LDLRAD4: variants seen among roughly 807,000 people sequenced by gnomAD.
LDLRAD4 encodes the protein low density lipoprotein receptor class A domain containing 4, also known as low-density lipoprotein receptor class A domain-containing protein 4.
LDLRAD4 carries 5 observed loss-of-function variants against 17.0 expected under a neutral mutation model. The observed-to-expected ratio is 0.29, with a 90% CI of 0.15 to 0.62. LDLRAD4 has a LOEUF of 0.62. LDLRAD4 is among the 20% of genes least tolerant of loss of function. The pLI, the probability that LDLRAD4 is intolerant of heterozygous loss-of-function variation, is 0.84. For synonymous variants in LDLRAD4, 168 were observed against 171.8 expected, an observed-to-expected ratio of 0.98 and a Z score of 0.17; for missense variants, 340 against 424.7, an observed-to-expected ratio of 0.80 and a Z score of 1.75.
intron 3 of LDLRAD4, among the ~76,000 whole-genome samples, chr18:13,579,494 G>A (rs753379536): frequency 1.3e-5 from 2 of 152,194 alleles, no homozygotes; most frequent in Non-Finnish European, 1.5e-5. Flanking sequence ...TTTCTTCATG[G>A]ATGACCAGTA....
Position 13,621,310 on chromosome 18 carries a change from C to CT in LDLRAD4, c.336+40dup. 1 of 1,526,014 alleles carries CT rather than the reference C, an allele frequency of 6.6e-7. No homozygotes were observed. Among genetic ancestry groups the CT allele is most frequent in the Non-Finnish European group, 9.0e-7 (1 of 1,107,774 alleles). 94.5% of individuals were successfully genotyped at this position (1,526,014 alleles called of 1,614,324 possible). A position where few individuals can be genotyped will look rare whatever the true frequency, so the allele number is the denominator to read the frequency against. On this transcript the variant is annotated intron_variant, in intron 4 of 5. Coordinates refer to ENST00000359446, the Ensembl canonical transcript of LDLRAD4. This position sits in a 1 kb window ranked among gnomAD's most constrained non-coding sequence, Gnocchi z 5.5. The stretch of plus-strand genomic sequence containing the variant: ...CCGCCCCGGCTCCAGAGTCAGGCAG[C>CT]TGCAAGAGGCTTAGGAGCCCATCAG...
intron 3 of LDLRAD4, among the ~76,000 whole-genome samples, chr18:13,455,471 G>A (rs997063070): frequency 2.6e-5 from 4 of 152,182 alleles, no homozygotes; most frequent in African/African-American, 9.7e-5. Flanking sequence ...GGTAGCCATG[G>A]TGAGAAGAGG....
At chr18:13,384,504 A>G (rs746308461) in intron 1 of LDLRAD4, among the ~76,000 whole-genome samples, 36 of 152,226 alleles carry the variant, frequency 2.4e-4, no homozygotes, top group Non-Finnish European at 4.6e-4. Context: ...GCAGTACGTC[A>G]CTAAAACGTA....
At chr18:13,307,427 A>AT (rs202111631) in intron 1 of LDLRAD4, among the ~76,000 whole-genome samples, 183 of 152,100 alleles carry the variant, frequency 1.2e-3, no homozygotes, top group African/African-American at 3.8e-3. Flanking sequence ...TTAAAAAAAA[A>AT]TTTTTTAAGA....
chr18:13,368,562 A>C lies in LDLRAD4; in HGVS notation c.-382-18779A>C, dbSNP rs146399031. On this transcript the variant is annotated intron_variant, in intron 1 of 5. Coordinates refer to ENST00000359446, the Ensembl canonical transcript of LDLRAD4. The stretch of plus-strand genomic sequence containing the variant: ...TCTGATTTTATCCATCCATTACTCT[A>C]CCTGTCCATCTCCCCTGGGGGTGAG... Among the ~76,000 whole-genome samples the C allele has an allele frequency of 4.7e-4, 72 of 152,090 alleles. 2 individuals are homozygous for C. The East Asian group carries it at 0.012, about 26-fold the overall frequency.
Position 13,284,628 on chromosome 18 carries a change from G to A in LDLRAD4, c.-383+6440G>A, listed in dbSNP as rs548289166. Among the ~76,000 whole-genome samples, 8 of 152,268 alleles carry A rather than the reference G, an allele frequency of 5.3e-5. No individual in the cohort carries two copies. The South Asian group carries it at 1.7e-3, about 32-fold the overall frequency. On this transcript the variant is annotated intron_variant, in intron 1 of 5. Transcript: ENST00000359446. Reference sequence around the variant, plus strand: ...GGTGCGGGAGGTTAGAAATAGCATTGCTTTTTATGGGATTCTCAGCAGCAG... The same window carrying A: ...GGTGCGGGAGGTTAGAAATAGCATTACTTTTTATGGGATTCTCAGCAGCAG...
intron 1 of LDLRAD4, among the ~76,000 whole-genome samples, chr18:13,310,511 C>A (rs1486134747): frequency 6.6e-6 from 1 of 152,174 alleles, no homozygotes; most frequent in East Asian, 1.9e-4. Flanking sequence ...TCAGAGAGGC[C>A]AGCAGCATGG....
intron 3 of LDLRAD4, among the ~76,000 whole-genome samples, chr18:13,439,020 A>G (rs1394408530): frequency 1.3e-5 from 2 of 152,200 alleles, no homozygotes; most frequent in Admixed American, 6.5e-5. Context: ...AAAGTGGCTT[A>G]CTGTTTTCTG....
intron 4 of LDLRAD4, among the ~76,000 whole-genome samples, chr18:13,640,312 G>GAAAAAAA (rs1555780823): frequency 2.6e-5 from 2 of 77,462 alleles, no homozygotes. Context: ...AAAAAAAAAT[G>GAAAAAAA]AAATCCGTTC....
chr18:13,473,675 AT>A lies in LDLRAD4; in HGVS notation c.181+35292del, dbSNP rs1568214069. On this transcript the variant is annotated intron_variant, in intron 3 of 5. Coordinates refer to ENST00000359446, the Ensembl canonical transcript of LDLRAD4. The stretch of plus-strand genomic sequence containing the variant: ...TATATATATATATATATATATATAT[AT>A]ATAACGTTTACATTTTATATATATT... 9.0e-3 allele frequency among the ~76,000 whole-genome samples: 1,013 copies of A among 112,946 alleles called. 69 individuals are homozygous for A. The highest frequency in any genetic ancestry group is 0.02 in the African/African-American group (541 of 27,496). The allele number at this position is 112,946 out of a possible 152,430, so 74.1% of individuals were successfully genotyped here.
exon 6 of LDLRAD4, chr18:13,650,480 G>A (rs1409625712): frequency 7.5e-6 from 3 of 397,406 alleles, no homozygotes; most frequent in African/African-American, 2.1e-5. Context: ...TCAGAGATCT[G>A]CATGTCAGTT....
chr18:13,331,878 T>C (rs905712917), intron 1 of LDLRAD4, among the ~76,000 whole-genome samples: 8 of 152,232 alleles, frequency 5.3e-5, no homozygotes, highest in Non-Finnish European at 8.8e-5. Flanking sequence ...AAAATAATTT[T>C]TATTTAGAGC....
intron 3 of LDLRAD4, among the ~76,000 whole-genome samples, chr18:13,473,648 T>TAA (rs2146809270): frequency 2.6e-5 from 2 of 76,562 alleles, no homozygotes; most frequent in African/African-American, 8.7e-5. Context: ...TATATATATA[T>TAA]ATATATATAT....
At chr18:13,557,646 T>C (rs1439606836) in intron 3 of LDLRAD4, among the ~76,000 whole-genome samples, 2 of 152,222 alleles carry the variant, frequency 1.3e-5, no homozygotes, top group Non-Finnish European at 2.9e-5. Flanking sequence ...ATGATCTGCC[T>C]ACCTTGGCCT....
intron 1 of LDLRAD4, among the ~76,000 whole-genome samples, chr18:13,262,463 TGC>T (rs2043920533): frequency 7.2e-6 from 1 of 138,586 alleles, no homozygotes; most frequent in African/African-American, 2.8e-5. Flanking sequence ...TGCGGCTCTG[TGC>T]GTGGGGGCTG....
intron 3 of LDLRAD4, among the ~76,000 whole-genome samples, chr18:13,556,833 G>A (rs903679685): frequency 6.6e-6 from 1 of 152,154 alleles, no homozygotes; most frequent in Admixed American, 6.5e-5. Context: ...TCACCTGACT[G>A]AGGTGTATTA....
At chr18:13,603,891 G>C (rs967795117) in intron 3 of LDLRAD4, among the ~76,000 whole-genome samples, 1 of 152,198 alleles carries the variant, frequency 6.6e-6, no homozygotes, top group African/African-American at 2.4e-5. Context: ...CGTGGTGGCC[G>C]GCACATAGTA....
Position 13,557,832 on chromosome 18 carries a change from G to A in LDLRAD4, c.182-63285G>A, listed in dbSNP as rs564541787. On this transcript the variant is annotated intron_variant, in intron 3 of 5. Transcript: ENST00000359446. ...CCATCATGATCATCACCATCATCAC[G>A]TGCATTGAGTAGCTGAAGAACCTCG... 1.2e-3 allele frequency among the ~76,000 whole-genome samples: 183 copies of A among 152,310 alleles called. 1 individual carries two copies. The highest frequency in any genetic ancestry group is 3.4e-4 in the Non-Finnish European group (23 of 68,014).
At chr18:13,485,012 G>A (rs1244028299) in intron 3 of LDLRAD4, among the ~76,000 whole-genome samples, 2 of 152,188 alleles carry the variant, frequency 1.3e-5, no homozygotes, top group Non-Finnish European at 2.9e-5. Flanking sequence ...GCTCTATCAC[G>A]ACACCGTCTC....
Sources: allele counts gnomAD v4.1 joint callset (sites outside exome capture counted in the v4.1 genomes callset), GRCh38; gene constraint gnomAD v4.1.1; non-coding constraint Gnocchi (gnomAD v3.1); transcripts MANE v1.5; gene names NCBI Gene and HGNC (gene_info 2026-07-23, HGNC 2026-07-21).